Variants in ABCA12 observed in about 807,000 individuals in gnomAD.
The protein encoded by ABCA12 is ATP binding cassette subfamily A member 12.
In ABCA12, 156 loss-of-function variants were observed where a neutral mutation model predicts 293.5. The ratio of observed to expected loss-of-function variants is 0.53; its 90% confidence interval spans 0.47 to 0.61. ABCA12 has a LOEUF of 0.61. Among genes scored for constraint, ABCA12 ranks in the 20% least tolerant of loss-of-function variants. The probability of loss-of-function intolerance (pLI) is 0.00; values close to 1 mark genes in which losing one functional copy is unlikely to be tolerated. For synonymous variants in ABCA12, 1,063 were observed against 1,108.0 expected, an observed-to-expected ratio of 0.96 and a Z score of 0.81; for missense variants, 2,797 against 3,090.2, an observed-to-expected ratio of 0.91 and a Z score of 2.25.
intron 24 of ABCA12, 148 bp downstream of exon 24, chr2:214,990,554 A>G (rs1489826628): frequency 1.3e-6 from 1 of 764,100 alleles, no homozygotes; most frequent in Non-Finnish European, 2.2e-6. Context: ...GATGTAAGAA[A>G]AGCTATCATT....
chr2:215,005,743 A>G (rs1700240138), intron 19 of ABCA12, among the ~76,000 whole-genome samples: 1 of 152,222 alleles, frequency 6.6e-6, no homozygotes, highest in African/African-American at 2.4e-5. Flanking sequence ...GGTACAATGT[A>G]TATTATTTGG....
chr2:215,085,946 T>C (rs1267882541), intron 2 of ABCA12, among the ~76,000 whole-genome samples: 1 of 152,144 alleles, frequency 6.6e-6, no homozygotes, highest in Admixed American at 6.5e-5. Context: ...GAATAAAAAG[T>C]AACAGTGGTG....
chr2:214,940,571 T>C (rs1458033000), intron 50 of ABCA12, among the ~76,000 whole-genome samples: 1 of 152,206 alleles, frequency 6.6e-6, no homozygotes, highest in Non-Finnish European at 1.5e-5. Context: ...CTGGTAGAAT[T>C]TGGCTGTGAA....
intron 19 of ABCA12, 140 bp downstream of exon 19, chr2:215,007,587 T>A (rs1700281451): frequency 1.8e-6 from 2 of 1,114,826 alleles, no homozygotes; most frequent in East Asian, 5.1e-5. Context: ...TTACCCTGTC[T>A]CAGACCTTCT....
At position 214,953,706 on chromosome 2, in the gene ABCA12, T is replaced by C. The variant is rs977046630; in HGVS notation, c.6647+148A>G. 7 of 951,914 alleles carry C rather than the reference T, an allele frequency of 7.4e-6. No individual in the cohort carries two copies. In the African/African-American group the frequency reaches 1.0e-4, roughly 14 times the overall value. The allele number at this position is 951,914 out of a possible 1,614,324, so 59.0% of individuals were successfully genotyped here. ...TAACTACTTACTAGAATAAAATAAA[T>C]AGTGAATTATGCTAGAATTTTTTAA... is the stretch of plus-strand genomic sequence containing the variant. On this transcript the variant is annotated intron_variant, in intron 44 of 52. Coordinates refer to ENST00000272895, the MANE Select transcript of ABCA12 (RefSeq NM_173076.3).
intron 2 of ABCA12, among the ~76,000 whole-genome samples, chr2:215,074,717 G>A (rs1701800936): frequency 1.3e-5 from 2 of 152,150 alleles, no homozygotes; most frequent in Admixed American, 6.6e-5. Flanking sequence ...GCCAAGGTGG[G>A]CCGATCATGA....
At chr2:214,937,083 T>C (rs2105910603) in intron 51 of ABCA12, among the ~76,000 whole-genome samples, 1 of 152,352 alleles carries the variant, frequency 6.6e-6, no homozygotes, top group African/African-American at 2.4e-5. Flanking sequence ...TTAAGATTAA[T>C]AATAAAGCTG....
intron 2 of ABCA12, among the ~76,000 whole-genome samples, chr2:215,099,691 CAAAA>C (rs66500510): frequency 4.2e-5 from 5 of 117,838 alleles, no homozygotes; most frequent in Admixed American, 8.5e-5. Context: ...GACTTCATCT[CAAAA>C]AAAAAAAAAA....
chr2:214,956,863 T>A, intron 41 of ABCA12, 85 bp from the exon 42 acceptor site: 1 of 872,104 alleles, frequency 1.1e-6, no homozygotes, highest in Non-Finnish European at 1.9e-6. Context: ...AGTTTAAAAC[T>A]GCAACAAGTT....
chr2:215,118,966 C>A (rs1702744019), intron 1 of ABCA12, among the ~76,000 whole-genome samples: 1 of 151,960 alleles, frequency 6.6e-6, no homozygotes, highest in Non-Finnish European at 1.5e-5. Context: ...TATCTGTTTC[C>A]TCTATTGATA....
intron 8 of ABCA12, among the ~76,000 whole-genome samples, chr2:215,035,000 C>T (rs76712061): frequency 0.024 from 3,661 of 152,222 alleles, 159 homozygotes; most frequent in African/African-American, 0.083. Flanking sequence ...TACTGCTGAA[C>T]ACTGTGAAGA....
At chr2:214,979,117 G>A (rs747165741) in intron 31 of ABCA12, 77 bp from the exon 32 acceptor site, 15 of 1,328,456 alleles carry the variant, frequency 1.1e-5, no homozygotes, top group Non-Finnish European at 1.5e-5. Flanking sequence ...CAGAGGGTGA[G>A]GTGATGAGCT....
Position 214,980,599 on chromosome 2 carries a change from C to G in ABCA12, c.4624G>C (p.Val1542Leu). ...LSTHHLDEAE[V>L]LSDRIAFLEQ... ...AGGAAGGCGATGCGGTCACTCAGCA[C>G]TTCAGCCTCGTCCAAGTGGTGCGTT... The change falls in exon 31 of 53, where the codon GTG (valine) becomes CTG (leucine). Residue 1542 changes from valine (V) to leucine (L), a missense_variant. This residue lies in a region of ABCA12 where 2,130 missense variants were observed against 2,427.0 expected (regional missense o/e 0.88). Coordinates refer to ENST00000272895, the MANE Select transcript of ABCA12 (RefSeq NM_173076.3). The G allele has an allele frequency of 6.2e-7, 1 of 1,614,102 alleles. No individual in the cohort carries two copies. The highest frequency in any genetic ancestry group is 1.1e-5 in the South Asian group (1 of 91,076).
In ABCA12 at chr2:215,002,426, A is replaced by C. The variant is rs543377712; in HGVS notation, c.2684-689T>G. ...TTTTATGATTCTTTGTGAGGAAATCAACCGGGACAAAGGGTAAATATGAAA... is the reference window on the plus strand; with the variant it reads ...TTTTATGATTCTTTGTGAGGAAATCCACCGGGACAAAGGGTAAATATGAAA... On this transcript the variant is annotated intron_variant, in intron 20 of 52. Transcript: ENST00000272895. Among the ~76,000 whole-genome samples, 6 of 152,336 alleles carry C rather than the reference A, an allele frequency of 3.9e-5. No homozygotes were observed. The East Asian group carries it at 1.2e-3, about 29-fold the overall frequency.
rs1430537083 is a variant in ABCA12, at chr2:215,000,997, TAGAAG to T, written c.2882_2886del (p.Pro961GlnfsTer9). Reference sequence around the variant, plus strand: ...TCATAGCCTCTGTGCCAGCTTCTGTTAGAAGGAAGCTTAAAAATAACACCTAAAAA... The same window carrying T: ...TCATAGCCTCTGTGCCAGCTTCTGTTGAAGCTTAAAAATAACACCTAAAAA... On this transcript the variant is annotated frameshift_variant, in exon 22 of 53. Coordinates refer to ENST00000272895, the MANE Select transcript of ABCA12 (RefSeq NM_173076.3). LOFTEE classifies it high-confidence loss of function. 1.2e-6 allele frequency: 2 copies of T among 1,613,970 alleles called. No individual in the cohort carries two copies. The highest frequency in any genetic ancestry group is 4.5e-5 in the East Asian group (2 of 44,876).
At chr2:215,085,887 G>A (rs982126147) in intron 2 of ABCA12, among the ~76,000 whole-genome samples, 3 of 152,074 alleles carry the variant, frequency 2.0e-5, no homozygotes, top group African/African-American at 4.8e-5. Context: ...TTATGTAATC[G>A]CAGATTCCTA....
At position 215,111,629 on chromosome 2, in the gene ABCA12, C is replaced by G; in HGVS notation, c.131G>C (p.Arg44Pro). 6.2e-7 allele frequency: 1 copy of G among 1,613,134 alleles called. No individual in the cohort carries two copies. Among genetic ancestry groups the G allele is most frequent in the Non-Finnish European group, 8.5e-7 (1 of 1,179,550 alleles). ...TTTTGCAGTTGGAGGAAATTTGGTC[C>G]GAGTAATAGCCAAAATTATGAAAAT... Reference protein sequence around the residue: ...VIIFIILAITRTKFPPTAKPT... With the variant: ...VIIFIILAITPTKFPPTAKPT... The change falls in exon 2 of 53, where the codon CGG becomes CCG. Residue 44 changes from arginine (R) to proline (P), a missense_variant. Arg to Pro is a moderately radical substitution (Grantham distance 103). Around this residue, in one of 3 missense-constraint regions of ABCA12, gnomAD observed 656 missense variants for 638.2 expected, o/e 1.03. Coordinates refer to ENST00000272895, the MANE Select transcript of ABCA12 (RefSeq NM_173076.3).
intron 2 of ABCA12, among the ~76,000 whole-genome samples, chr2:215,093,690 A>C (rs1702194505): frequency 6.6e-6 from 1 of 152,172 alleles, no homozygotes; most frequent in African/African-American, 2.4e-5. Context: ...AGTTCTCATA[A>C]CTTTCAAAAT....
chr2:215,056,752 C>G (rs1328382941), intron 3 of ABCA12, among the ~76,000 whole-genome samples: 1 of 152,074 alleles, frequency 6.6e-6, no homozygotes, highest in East Asian at 1.9e-4. Context: ...TGAAACACAG[C>G]TACTTTCCCC....
Sources: gnomAD v4.1 joint callset for allele counts (sites outside exome capture counted in the v4.1 genomes callset) on GRCh38, gnomAD v4.1.1 for gene constraint, gnomAD v4.1.1 regional missense constraint, MANE v1.5 for transcripts, NCBI Gene and HGNC (gene_info 2026-07-23, HGNC 2026-07-21) for gene names.